The following RPAIN variants were observed in gnomAD, a reference collection of about 807,000 sequenced individuals.
The protein encoded by RPAIN is RPA interacting protein, also known as RPA-interacting protein.
Under a neutral mutation model 30.5 loss-of-function variants are expected in RPAIN, and 29 were observed. That is an observed-to-expected ratio of 0.95 (90% CI 0.71 to 1.30). The LOEUF (loss-of-function observed/expected upper bound fraction) is 1.30. Among genes scored for constraint, RPAIN ranks in the 50% most tolerant of loss-of-function variants. The probability of loss-of-function intolerance (pLI) is 0.00; values close to 1 mark genes in which losing one functional copy is unlikely to be tolerated. For missense variants in RPAIN, 247 were observed against 264.7 expected, an observed-to-expected ratio of 0.93 and a Z score of 0.46; for synonymous variants, 101 against 93.5, an observed-to-expected ratio of 1.08 and a Z score of -0.46.
intron 5 of RPAIN, chr17:5,427,395 C>CA (rs1915503587): frequency 6.6e-6 from 1 of 152,232 alleles, no homozygotes. Flanking sequence ...CTTGGCCTCC[C>CA]AAAGTGTTGG....
Position 5,432,591 on chromosome 17 carries a change from C to G in RPAIN, c.*20C>G, listed in dbSNP as rs1311128440. ...CTCTAGAGCCAGCTTGGACTCACAT[C>G]ATTCTATGGGGTTGAAGACAACTCA... is the stretch of plus-strand genomic sequence containing the variant. On this transcript the variant is annotated 3_prime_UTR_variant, in exon 7 of 7. Coordinates refer to ENST00000381209, the MANE Select transcript of RPAIN (RefSeq NM_001033002.4). The G allele has an allele frequency of 6.2e-7, 1 of 1,611,808 alleles. No homozygotes were observed.
At chr17:5,431,101 C>A in intron 6 of RPAIN, 1 of 289,964 alleles carries the variant, frequency 3.4e-6, no homozygotes, top group East Asian at 1.2e-4. Context: ...TGCTGTGCAG[C>A]AGTCTTGGAG....
intron 5 of RPAIN, 125 bp downstream of exon 5, chr17:5,426,424 T>C: frequency 1.2e-6 from 1 of 863,508 alleles, no homozygotes; most frequent in South Asian, 1.4e-5. Flanking sequence ...TTCAGTGGTG[T>C]CACATTGGTA....
intron 1 of RPAIN, among the ~76,000 whole-genome samples, chr17:5,420,667 C>T (rs1407305723): frequency 1.3e-5 from 2 of 151,802 alleles, no homozygotes; most frequent in Admixed American, 1.3e-4. Context: ...AGGGCTCCAC[C>T]TCAGTTCTGG....
In RPAIN at chr17:5,421,340, C is replaced by T. The variant is rs1323160023; in HGVS notation, c.126C>T (p.Asn42=). The T allele has an allele frequency of 2.5e-6, 4 of 1,613,592 alleles. No homozygotes were observed. The highest frequency in any genetic ancestry group is 3.4e-6 in the Non-Finnish European group (4 of 1,179,964). Residue 42 remains asparagine, a synonymous_variant, in exon 2 of 7, where the codon AAC becomes AAT. Transcript: ENST00000381209. ...GAAACAGCCGGGACAGGCTCCTAAA[C>T]AGGTACCGCCAGGCTGGAAGCAGTG... The part of the protein sequence containing the change: ...RMRNSRDRLL[N]RYRQAGSSGP...
At chr17:5,430,643 C>T (rs999753131) in intron 6 of RPAIN, 1 of 152,220 alleles carries the variant, frequency 6.6e-6, no homozygotes, top group African/African-American at 2.4e-5. Flanking sequence ...GTTGTAGTTA[C>T]CTGCTTATGT....
chr17:5,428,854 G>T (rs1004791829), intron 6 of RPAIN: 5 of 986,872 alleles, frequency 5.1e-6, no homozygotes, highest in East Asian at 1.1e-4. Context: ...CCAGGCAGGG[G>T]GAGCCTTGGG....
In RPAIN at chr17:5,432,711, C is replaced by T. The variant is rs913645303; in HGVS notation, c.*140C>T. On this transcript the variant is annotated 3_prime_UTR_variant, in exon 7 of 7. Transcript: ENST00000381209. ...AATACTGAAGAAAAAAAAACTTTTC[C>T]GACATCTGTTCTTGGTCTTTTGTGA... 15 of 913,018 alleles carry T rather than the reference C, an allele frequency of 1.6e-5. No homozygotes were observed. The highest frequency in any genetic ancestry group is 6.8e-5 in the African/African-American group (4 of 59,018). 56.6% of individuals were successfully genotyped at this position (913,018 alleles called of 1,614,324 possible).
intron 4 of RPAIN, 57 bp downstream of exon 4, chr17:5,426,139 G>A (rs1393693209): frequency 6.4e-7 from 1 of 1,559,798 alleles, no homozygotes; most frequent in East Asian, 2.2e-5. Flanking sequence ...ACTCCAAGGT[G>A]AGTGGAATCT....
intron 1 of RPAIN, 43 bp downstream of exon 1, chr17:5,420,334 G>T (rs1377711819): frequency 6.5e-7 from 1 of 1,545,292 alleles, no homozygotes; most frequent in Admixed American, 1.7e-5. Flanking sequence ...AGATCGTCCC[G>T]GTGACCGCCG....
chr17:5,429,774 C>CT (rs1915729391), intron 6 of RPAIN: 4 of 985,154 alleles, frequency 4.1e-6, no homozygotes, highest in Non-Finnish European at 4.8e-6. Context: ...GTCTGAATGA[C>CT]TTTGACTCCT....
At chr17:5,424,532 T>A (rs905566000) in intron 3 of RPAIN, among the ~76,000 whole-genome samples, 2 of 152,300 alleles carry the variant, frequency 1.3e-5, no homozygotes, top group Non-Finnish European at 2.9e-5. Flanking sequence ...TTGTCTGGCA[T>A]ATAGAGAGCT....
chr17:5,432,573 G>T lies in RPAIN; in HGVS notation c.*2G>T. 6.2e-7 allele frequency: 1 copy of T among 1,613,884 alleles called. No homozygotes were observed. The highest frequency in any genetic ancestry group is 8.5e-7 in the Non-Finnish European group (1 of 1,179,756). Reference sequence around the variant, plus strand: ...GATACTTGGGCTGTGATCCTCTAGAGCCAGCTTGGACTCACATCATTCTAT... The same window carrying T: ...GATACTTGGGCTGTGATCCTCTAGATCCAGCTTGGACTCACATCATTCTAT... On this transcript the variant is annotated 3_prime_UTR_variant, in exon 7 of 7. Transcript: ENST00000381209.
chr17:5,429,450 G>T, intron 6 of RPAIN: 12 of 985,392 alleles, frequency 1.2e-5, no homozygotes, highest in Non-Finnish European at 1.4e-5. Context: ...ATAGGAAACA[G>T]ATTCAGAGAA....
chr17:5,422,960 T>C, intron 3 of RPAIN, 131 bp downstream of exon 3: 1 of 683,076 alleles, frequency 1.5e-6, no homozygotes, highest in South Asian at 2.0e-5. Context: ...AAGACTCCTT[T>C]TGTACTCTGA....
At chr17:5,422,927 A>C in intron 3 of RPAIN, 98 bp downstream of exon 3, 1 of 941,222 alleles carries the variant, frequency 1.1e-6, no homozygotes, top group South Asian at 1.5e-5. Flanking sequence ...CCCTTTGTCT[A>C]CCTCCATCAG....
At chr17:5,429,390 A>G (rs1915696933) in intron 6 of RPAIN, 2 of 985,354 alleles carry the variant, frequency 2.0e-6, no homozygotes, top group African/African-American at 3.5e-5. Context: ...ATCTTGTTCT[A>G]CTTAGCTGGA....
intron 3 of RPAIN, among the ~76,000 whole-genome samples, chr17:5,423,335 T>C (rs1357582551): frequency 6.8e-6 from 1 of 147,808 alleles, no homozygotes; most frequent in Non-Finnish European, 1.5e-5. Context: ...AACAAGATCC[T>C]GTCTCTACAG....
At chr17:5,424,957 G>T (rs946360860) in intron 3 of RPAIN, among the ~76,000 whole-genome samples, 1 of 152,184 alleles carries the variant, frequency 6.6e-6, no homozygotes, top group Admixed American at 6.5e-5. Context: ...AGGATTTACT[G>T]TGTTGTGCTG....
Sources: gnomAD v4.1 joint callset for allele counts (sites outside exome capture counted in the v4.1 genomes callset) on GRCh38, gnomAD v4.1.1 for gene constraint, MANE v1.5 for transcripts, NCBI Gene and HGNC (gene_info 2026-07-23, HGNC 2026-07-21) for gene names.